LRRK1: variants seen among roughly 807,000 people sequenced by gnomAD.
LRRK1 encodes leucine-rich repeat serine/threonine-protein kinase 1.
LRRK1 carries 113 observed loss-of-function variants against 209.1 expected under a neutral mutation model. The observed-to-expected ratio is 0.54, with a 90% CI of 0.46 to 0.63. The LOEUF is 0.63. Among genes scored for constraint, LRRK1 ranks in the 30% least tolerant of loss-of-function variants. The probability of loss-of-function intolerance (pLI) is 0.00; values close to 1 mark genes in which losing one functional copy is unlikely to be tolerated. For missense variants in LRRK1, 2,284 were observed against 2,632.2 expected, an observed-to-expected ratio of 0.87 and a Z score of 2.89; for synonymous variants, 1,144 against 1,099.7, an observed-to-expected ratio of 1.04 and a Z score of -0.80.
chr15:100,945,067 T>C (rs1175231816), intron 2 of LRRK1, among the ~76,000 whole-genome samples: 1 of 152,262 alleles, frequency 6.6e-6, no homozygotes, highest in Non-Finnish European at 1.5e-5. Context: ...AACTCAGTTA[T>C]ACAGGCGGTC....
chr15:101,003,625 A>G (rs1011998069), intron 6 of LRRK1, among the ~76,000 whole-genome samples: 2 of 152,198 alleles, frequency 1.3e-5, no homozygotes, highest in African/African-American at 4.8e-5. Flanking sequence ...TAAAACCATC[A>G]GATCTCATGA....
intron 2 of LRRK1, among the ~76,000 whole-genome samples, chr15:100,925,422 A>G (rs775070561): frequency 6.6e-6 from 1 of 152,234 alleles, no homozygotes; most frequent in Non-Finnish European, 1.5e-5. Flanking sequence ...ATGTGCAGTT[A>G]TTGACCTAAT....
chr15:100,947,442 A>G (rs929271827), intron 2 of LRRK1, among the ~76,000 whole-genome samples: 5 of 152,338 alleles, frequency 3.3e-5, no homozygotes, highest in African/African-American at 1.2e-4. Context: ...AAAGTTTGGT[A>G]TTATTTAATG....
chr15:101,076,669 C>T lies in LRRK1; in HGVS notation c.*7821C>T, dbSNP rs1012019684. 5 of 152,244 alleles carry T rather than the reference C, an allele frequency of 3.3e-5. No individual in the cohort carries two copies. The highest frequency in any genetic ancestry group is 5.9e-5 in the Non-Finnish European group (4 of 68,128). The allele number at this position is 152,244 out of a possible 1,614,324, so 9.4% of individuals were successfully genotyped here. Reference sequence around the variant, plus strand: ...CTCAAGGAAATAACTTCTCAGTGTTCCATCTGCTATTCTACTGCTCCTCAG... The same window carrying T: ...CTCAAGGAAATAACTTCTCAGTGTTTCATCTGCTATTCTACTGCTCCTCAG... On this transcript the variant is annotated 3_prime_UTR_variant, in exon 34 of 34. Coordinates refer to ENST00000388948, the MANE Select transcript of LRRK1 (RefSeq NM_024652.6).
intron 20 of LRRK1, among the ~76,000 whole-genome samples, chr15:101,039,191 A>G (rs1031582848): frequency 6.6e-5 from 10 of 152,242 alleles, no homozygotes; most frequent in African/African-American, 2.4e-4. Flanking sequence ...CATTGAATCT[A>G]TAGATCAAAG....
chr15:100,970,654 T>C (rs2030805226), intron 2 of LRRK1, among the ~76,000 whole-genome samples: 1 of 152,248 alleles, frequency 6.6e-6, no homozygotes. Flanking sequence ...GCTTTGGCTA[T>C]TCTAGGTCTT....
Position 100,973,817 on chromosome 15 carries a change from G to T in LRRK1, c.111G>T (p.Thr37=). 1 of 1,291,794 alleles carries T rather than the reference G, an allele frequency of 7.7e-7. No individual in the cohort carries two copies. Among genetic ancestry groups the T allele is most frequent in the Non-Finnish European group, 9.8e-7 (1 of 1,017,020 alleles). 80.0% of individuals were successfully genotyped at this position (1,291,794 alleles called of 1,614,324 possible). The part of the protein sequence containing the change: ...AMETLNGAGD[T]GGKPSTRGGD... ...CCTCCCGCGCAGGTGCCGGGGACAC[G>T]GGCGGCAAGCCGTCCACGCGGGGCG... is the stretch of plus-strand genomic sequence containing the variant. Residue 37 remains threonine, a synonymous_variant, in exon 3 of 34, where the codon ACG becomes ACT. Transcript: ENST00000388948.
intron 31 of LRRK1, chr15:101,064,662 TCAG>T (rs1022620540): frequency 5.2e-5 from 8 of 153,130 alleles, no homozygotes; most frequent in Admixed American, 3.3e-4. Flanking sequence ...GGATGAGGGC[TCAG>T]CAGGCTGAGA....
In LRRK1 at chr15:101,035,998, CTT is replaced by C. The variant is rs1461757658; in HGVS notation, c.2963+6769_2963+6770del. Among the ~76,000 whole-genome samples the C allele has an allele frequency of 8.5e-5, 13 of 152,280 alleles. No individual in the cohort carries two copies. In the East Asian group the frequency reaches 2.3e-3, roughly 27 times the overall value. On this transcript the variant is annotated intron_variant, in intron 20 of 33. Transcript: ENST00000388948. The stretch of plus-strand genomic sequence containing the variant: ...ATGGGGTCTCTTAGGTGACTAGATT[CTT>C]TTCTATTGCTGTATTTAGAATTCTC...
intron 2 of LRRK1, among the ~76,000 whole-genome samples, chr15:100,951,324 G>A (rs1007134523): frequency 2.0e-5 from 3 of 152,130 alleles, no homozygotes; most frequent in African/African-American, 7.2e-5. Flanking sequence ...AAATTGGAGC[G>A]TTCATTCATT....
At chr15:100,970,051 G>A (rs762769307) in intron 2 of LRRK1, among the ~76,000 whole-genome samples, 8 of 152,072 alleles carry the variant, frequency 5.3e-5, no homozygotes, top group Non-Finnish European at 1.2e-4. Flanking sequence ...ACCACGCTGG[G>A]CTAATTTTTT....
At chr15:101,012,786 C>G (rs1235624232) in intron 10 of LRRK1, among the ~76,000 whole-genome samples, 1 of 152,202 alleles carries the variant, frequency 6.6e-6, no homozygotes, top group Non-Finnish European at 1.5e-5. Flanking sequence ...GCATGTGTAT[C>G]CTCAGAGAGG....
At chr15:101,005,758 C>T (rs2032919333) in intron 6 of LRRK1, among the ~76,000 whole-genome samples, 1 of 152,018 alleles carries the variant, frequency 6.6e-6, no homozygotes, top group Admixed American at 6.5e-5. Context: ...TGGGGCTCCC[C>T]CTGGACAAAT....
At chr15:101,023,622 G>T (rs1303613242) in intron 15 of LRRK1, among the ~76,000 whole-genome samples, 1 of 152,188 alleles carries the variant, frequency 6.6e-6, no homozygotes, top group African/African-American at 2.4e-5. Flanking sequence ...AAACTGAGGA[G>T]GCTTGAGATC....
intron 2 of LRRK1, among the ~76,000 whole-genome samples, chr15:100,938,495 G>T (rs1215705025): frequency 6.6e-6 from 1 of 151,830 alleles, no homozygotes; most frequent in Non-Finnish European, 1.5e-5. Context: ...TTGTTAACTC[G>T]ATTCCCCCTC....
intron 6 of LRRK1, among the ~76,000 whole-genome samples, chr15:100,991,028 G>A (rs2032134707): frequency 6.6e-6 from 1 of 152,092 alleles, no homozygotes; most frequent in African/African-American, 2.4e-5. Flanking sequence ...AGTGGCAGAG[G>A]GTGGAGGTGG....
intron 4 of LRRK1, among the ~76,000 whole-genome samples, chr15:100,984,232 C>G (rs936461442): frequency 6.6e-6 from 1 of 152,170 alleles, no homozygotes; most frequent in Non-Finnish European, 1.5e-5. Flanking sequence ...CTCCACTGTG[C>G]GCCCTCCACA....
Position 101,053,007 on chromosome 15 carries a change from C to T in LRRK1, c.3775C>T (p.Arg1259Trp), listed in dbSNP as rs750451092. Residue 1259 changes from arginine to tryptophan, a missense_variant, in exon 25 of 34, where the codon CGG becomes TGG. By Grantham distance (101) the Arg-to-Trp change is moderately radical. Around this residue, in one of 6 missense-constraint regions of LRRK1, gnomAD observed 780 missense variants for 985.2 expected, o/e 0.79. Transcript: ENST00000388948. Reference sequence around the variant, plus strand: ...GGGCGGCAGTGGCACCGTCATCTACCGGGCCCGGTACCAGGGCCAGCCTGT... The same window carrying T: ...GGGCGGCAGTGGCACCGTCATCTACTGGGCCCGGTACCAGGGCCAGCCTGT... ...GQGGSGTVIY[R>W]ARYQGQPVAV... is the part of the protein sequence containing the mutation. 1.5e-5 allele frequency: 25 copies of T among 1,613,096 alleles called. No homozygotes were observed. The South Asian group carries it at 2.0e-4, about 13-fold the overall frequency.
At position 101,056,984 on chromosome 15, in the gene LRRK1, G is replaced by A. The variant is rs368089358; in HGVS notation, c.4461G>A (p.Pro1487=). The part of the protein sequence containing the change: ...SKGIRPVLGQ[P]EEVQFRRLQA... ...GCATCCGCCCGGTTCTGGGGCAGCCGGAGGAAGTGCAGTTCCGGCGACTGC... is the reference window on the plus strand; with the variant it reads ...GCATCCGCCCGGTTCTGGGGCAGCCAGAGGAAGTGCAGTTCCGGCGACTGC... Residue 1487 remains proline (P), a synonymous_variant, in exon 28 of 34, where the codon CCG becomes CCA. Transcript: ENST00000388948. The A allele has an allele frequency of 1.1e-4, 181 of 1,614,072 alleles. No individual in the cohort carries two copies. In the Middle Eastern group the frequency reaches 1.3e-3, roughly 12 times the overall value.
Sources: allele counts gnomAD v4.1 joint callset (sites outside exome capture counted in the v4.1 genomes callset), GRCh38; gene constraint gnomAD v4.1.1; regional missense constraint gnomAD v4.1.1; transcripts MANE v1.5; gene names NCBI Gene and HGNC (gene_info 2026-07-23, HGNC 2026-07-21).